The following TUBB variants were observed in gnomAD, a reference collection of about 807,000 sequenced individuals.
The protein encoded by TUBB is tubulin beta chain.
In TUBB, 2 loss-of-function variants were observed where a neutral mutation model predicts 35.1. The observed-to-expected ratio is 0.06, with a 90% CI of 0.02 to 0.18. TUBB has a LOEUF of 0.18. TUBB is among the 10% of genes least tolerant of loss of function. The probability of loss-of-function intolerance (pLI) is 1.00; values close to 1 mark genes in which losing one functional copy is unlikely to be tolerated. For synonymous variants in TUBB, 205 were observed against 223.8 expected (o/e 0.92, Z 0.75); for missense variants, 50 against 599.4 (o/e 0.08, Z 9.57).
intron 1 of TUBB, chr6:30,721,552 CT>C (rs1020319854): frequency 8.1e-6 from 8 of 985,180 alleles, no homozygotes; most frequent in African/African-American, 7.0e-5. Flanking sequence ...CGCGCGAAGT[CT>C]TTTGTCGGCG....
intron 2 of TUBB, 81 bp downstream of exon 2, chr6:30,722,726 C>T: frequency 7.7e-7 from 1 of 1,306,348 alleles, no homozygotes; most frequent in Non-Finnish European, 1.1e-6. Context: ...TCTGGGCACG[C>T]CTTATCCCCT....
At chr6:30,722,489 G>C in intron 1 of TUBB, 48 bp from the exon 2 acceptor site, 1 of 1,295,442 alleles carries the variant, frequency 7.7e-7, no homozygotes, top group Non-Finnish European at 1.1e-6. Flanking sequence ...TGGGGACATA[G>C]TTGGCTGGGA....
In TUBB at chr6:30,722,578, C is replaced by G. The variant is rs756024282; in HGVS notation, c.99C>G (p.Thr33=). Residue 33 remains threonine, a synonymous_variant, in exon 2 of 4, where the codon ACC becomes ACG. Coordinates refer to ENST00000327892, the MANE Select transcript of TUBB (RefSeq NM_178014.4). ...VISDEHGIDP[T]GTYHGDSDLQ... is the part of the protein sequence containing the mutation. ...GTGATGAACATGGCATCGACCCCAC[C>G]GGCACCTACCACGGGGACAGCGACC... is the stretch of plus-strand genomic sequence containing the variant. 41 of 1,614,042 alleles carry G rather than the reference C, an allele frequency of 2.5e-5. No homozygotes were observed. The East Asian group carries it at 6.9e-4, about 27-fold the overall frequency.
At position 30,723,015 on chromosome 6, in the gene TUBB, C is replaced by T. The variant is rs770684802; in HGVS notation, c.264C>T (p.Asp88=). 6.2e-7 allele frequency: 1 copy of T among 1,611,286 alleles called. No homozygotes were observed. Among genetic ancestry groups the T allele is most frequent in the Non-Finnish European group, 8.5e-7 (1 of 1,178,568 alleles). The change falls in exon 3 of 4, where the codon GAC becomes GAT. Residue 88 remains aspartate (D), a synonymous_variant. Coordinates refer to ENST00000327892, the MANE Select transcript of TUBB (RefSeq NM_178014.4). ...SGPFGQIFRP[D]NFVFGQSGAG... ...CTTTTGGCCAGATCTTTAGACCAGA[C>T]AACTTTGTATTTGGTGAGTTATACA...
Position 30,723,003 on chromosome 6 carries a change from C to T in TUBB, c.252C>T (p.Ile84=). 6.2e-7 allele frequency: 1 copy of T among 1,612,296 alleles called. No individual in the cohort carries two copies. Among genetic ancestry groups the T allele is most frequent in the East Asian group, 2.2e-5 (1 of 44,864 alleles). Residue 84 remains isoleucine (I), a synonymous_variant, in exon 3 of 4, where the codon ATC becomes ATT. Transcript: ENST00000327892. ...DSVRSGPFGQ[I]FRPDNFVFGQ... Reference sequence around the variant, plus strand: ...TTCGCTCAGGTCCTTTTGGCCAGATCTTTAGACCAGACAACTTTGTATTTG... The same window carrying T: ...TTCGCTCAGGTCCTTTTGGCCAGATTTTTAGACCAGACAACTTTGTATTTG...
chr6:30,722,040 C>G, intron 1 of TUBB: 1 of 323,956 alleles, frequency 3.1e-6, no homozygotes, highest in Non-Finnish European at 4.5e-6. Context: ...GTGGTCCCAG[C>G]TACTCGAGAG....
intron 1 of TUBB, chr6:30,721,527 C>A (rs1250068632): frequency 3.0e-6 from 3 of 984,322 alleles, no homozygotes; most frequent in African/African-American, 3.5e-5. Flanking sequence ...GAATTTTTGT[C>A]CCTGGCCCCG....
At chr6:30,721,943 C>G (rs1776301561) in intron 1 of TUBB, 2 of 968,014 alleles carry the variant, frequency 2.1e-6, no homozygotes, top group Admixed American at 6.0e-5. Context: ...CGAGACCATC[C>G]TGGGCAACAA....
At chr6:30,721,933 C>G (rs1776300293) in intron 1 of TUBB, 2 of 975,364 alleles carry the variant, frequency 2.1e-6, no homozygotes, top group Non-Finnish European at 2.4e-6. Context: ...GTCAGGGGTT[C>G]GAGACCATCC....
intron 1 of TUBB, chr6:30,721,471 C>T (rs1776239812): frequency 6.8e-6 from 6 of 876,672 alleles, no homozygotes; most frequent in Non-Finnish European, 8.2e-6. Flanking sequence ...TGCGGCGTTG[C>T]CCGCCGGCAG....
intron 1 of TUBB, chr6:30,721,508 T>TCG (rs1252177081): frequency 1.0e-6 from 1 of 977,896 alleles, no homozygotes; most frequent in African/African-American, 1.8e-5. Flanking sequence ...GCCCCGCCCC[T>TCG]CGCGCGCGGA....
rs372383318 is a variant in TUBB, at chr6:30,720,485, G to A, written c.-22G>A. The A allele has an allele frequency of 2.5e-6, 4 of 1,613,968 alleles. No homozygotes were observed. Among genetic ancestry groups the A allele is most frequent in the African/African-American group, 2.7e-5 (2 of 75,042 alleles). ...TTGCCCCATACATACCTTGAGGCGAGCAAAAAAATTAAATTTTAACCATGA... is the reference window on the plus strand; with the variant it reads ...TTGCCCCATACATACCTTGAGGCGAACAAAAAAATTAAATTTTAACCATGA... On this transcript the variant is annotated 5_prime_UTR_variant, in exon 1 of 4. Transcript: ENST00000327892.
chr6:30,722,501 T>G, intron 1 of TUBB, 36 bp from the exon 2 acceptor site: 1 of 1,446,232 alleles, frequency 6.9e-7, no homozygotes, highest in Non-Finnish European at 9.7e-7. Context: ...TGGCTGGGAC[T>G]TGACCTGTTG....
Position 30,723,362 on chromosome 6 carries a change from C to T in TUBB, c.300C>T (p.Asn100=), listed in dbSNP as rs544568671. ...FVFGQSGAGN[N]WAKGHYTEGA... ...CAGGTCAGTCTGGGGCAGGTAACAA[C>T]TGGGCCAAAGGCCACTACACAGAGG... The change falls in exon 4 of 4, where the codon AAC becomes AAT. Residue 100 remains asparagine, a synonymous_variant. Coordinates refer to ENST00000327892, the MANE Select transcript of TUBB (RefSeq NM_178014.4). The T allele has an allele frequency of 6.2e-7, 1 of 1,609,600 alleles. No homozygotes were observed. The highest frequency in any genetic ancestry group is 1.1e-5 in the South Asian group (1 of 90,580).
intron 2 of TUBB, 123 bp from the exon 3 acceptor site, chr6:30,722,792 TCTG>T (rs746349475): frequency 1.8e-6 from 2 of 1,114,554 alleles, no homozygotes; most frequent in Non-Finnish European, 1.3e-6. Flanking sequence ...GCCAAAGACG[TCTG>T]CTGCCACCTG....
At position 30,721,600 on chromosome 6, in the gene TUBB, C is replaced by CG. The variant is rs569312594; in HGVS notation, c.58-929dup. 4.9e-3 allele frequency: 4,818 copies of CG among 982,302 alleles called. 16 individuals carry two copies. The highest frequency in any genetic ancestry group is 0.013 in the African/African-American group (725 of 56,920). The allele number at this position is 982,302 out of a possible 1,614,324, so 60.8% of individuals were successfully genotyped here. On this transcript the variant is annotated intron_variant, in intron 1 of 3. Transcript: ENST00000327892. ...GCGTGCGCCGCAGTCACGTGGAGGG[C>CG]GGGGGGGGTGGTCGACTGCGGCGGC...
rs3873311 is a variant in TUBB, at chr6:30,724,399, G to T, written c.*2G>T. 6.2e-7 allele frequency: 1 copy of T among 1,607,352 alleles called. No individual in the cohort carries two copies. Among genetic ancestry groups the T allele is most frequent in the Non-Finnish European group, 8.5e-7 (1 of 1,177,026 alleles). On this transcript the variant is annotated 3_prime_UTR_variant, in exon 4 of 4. Coordinates refer to ENST00000327892, the MANE Select transcript of TUBB (RefSeq NM_178014.4). This position sits in a 1 kb window ranked among gnomAD's most constrained non-coding sequence, Gnocchi z 4.4. ...GAGGAGGCCGAAGAGGAGGCCTAAGGCAGAGCCCCCATCACCTCAGGCTTC... is the reference window on the plus strand; with the variant it reads ...GAGGAGGCCGAAGAGGAGGCCTAAGTCAGAGCCCCCATCACCTCAGGCTTC...
intron 1 of TUBB, among the ~76,000 whole-genome samples, chr6:30,721,289 GGTAGAAAT>G (rs1487308030): frequency 6.6e-6 from 1 of 152,090 alleles, no homozygotes; most frequent in Admixed American, 6.5e-5. Context: ...TAAATCAAGG[GGTAGAAAT>G]GTAGCGAAGG....
Position 30,722,519 on chromosome 6 carries a change from G to A in TUBB, c.58-18G>A. On this transcript the variant is annotated intron_variant, in intron 1 of 3. Transcript: ENST00000327892. Reference sequence around the variant, plus strand: ...CTGGGACTTGACCTGTTGTGGTCTCGTTGCTCCCCCTCGGCAGTTCTGGGA... The same window carrying A: ...CTGGGACTTGACCTGTTGTGGTCTCATTGCTCCCCCTCGGCAGTTCTGGGA... 6.3e-7 allele frequency: 1 copy of A among 1,595,312 alleles called. No homozygotes were observed. Among genetic ancestry groups the A allele is most frequent in the Non-Finnish European group, 8.6e-7 (1 of 1,163,582 alleles).
Sources: gnomAD v4.1 joint callset for allele counts (sites outside exome capture counted in the v4.1 genomes callset) on GRCh38, gnomAD v4.1.1 for gene constraint, Gnocchi (gnomAD v3.1) non-coding constraint, MANE v1.5 for transcripts, NCBI Gene and HGNC (gene_info 2026-07-23, HGNC 2026-07-21) for gene names.